FANCB: variants seen among roughly 807,000 people sequenced by gnomAD.
The protein encoded by FANCB is FA complementation group B.
A neutral mutation model predicts 38.9 loss-of-function variants in FANCB; 5 were observed. The observed-to-expected ratio is 0.13, with a 90% confidence interval of 0.07 to 0.27. The LOEUF (loss-of-function observed/expected upper bound fraction) is 0.27, where lower values mean the gene tolerates loss of function less well. FANCB is among the 10% of genes least tolerant of loss of function. The pLI, the probability that FANCB is intolerant of heterozygous loss-of-function variation, is 1.00. For missense variants in FANCB, 573 were observed against 602.7 expected, an observed-to-expected ratio of 0.95 and a Z score of 0.52; for synonymous variants, 236 against 215.4, an observed-to-expected ratio of 1.10 and a Z score of -0.84.
At chrX:14,844,774 T>G (rs777549202) in intron 8 of FANCB, 34 bp from the exon 9 acceptor site, 47 of 1,156,789 alleles carry the variant, frequency 4.1e-5, no homozygotes, top group Non-Finnish European at 5.1e-5. Flanking sequence ...ATCATTAAAC[T>G]CTGCCCATTA....
chrX:14,798,337 T>C, the FANCB span, among the ~76,000 whole-genome samples: 1 of 110,504 alleles, frequency 9.0e-6, no homozygotes, highest in Non-Finnish European at 1.9e-5. Flanking sequence ...TAATTTTTTG[T>C]ATTTTTAGTA....
At chrX:14,796,085 C>T in the FANCB span, among the ~76,000 whole-genome samples, 3,957 of 111,289 alleles carry the variant, frequency 0.036, 144 homozygotes, top group African/African-American at 0.11. Flanking sequence ...GTTGGAATCA[C>T]CTATGGTTGT....
the FANCB span, among the ~76,000 whole-genome samples, chrX:14,691,304 TGTGTGTGTGTGTGTGTGTGTGC>T: frequency 1.1e-3 from 117 of 105,345 alleles, 1 homozygote; most frequent in Middle Eastern, 4.7e-3. Context: ...TGTGTGTGTG[TGTGTGTGTGTGTGTGTGTGTGC>T]GCGCGTGCGT....
downstream of FANCB, among the ~76,000 whole-genome samples, chrX:14,838,745 T>C (rs984785478): frequency 8.9e-6 from 1 of 112,224 alleles, no homozygotes; most frequent in African/African-American, 3.2e-5. Flanking sequence ...TTTTGATTCC[T>C]AGTATATACT....
At chrX:14,715,184 A>AT in the FANCB span, among the ~76,000 whole-genome samples, 1 of 112,255 alleles carries the variant, frequency 8.9e-6, no homozygotes, top group African/African-American at 3.2e-5. Flanking sequence ...TTTTCACACT[A>AT]TGTGGCTGCT....
chrX:14,870,970 T>C (rs1245795386), intron 1 of FANCB, among the ~76,000 whole-genome samples: 1 of 111,925 alleles, frequency 8.9e-6, no homozygotes, highest in Admixed American at 9.5e-5. Flanking sequence ...TTCCAAGACA[T>C]ATGACATTGT....
At chrX:14,772,336 A>G in the FANCB span, among the ~76,000 whole-genome samples, 3 of 112,263 alleles carry the variant, frequency 2.7e-5, no homozygotes, top group Non-Finnish European at 5.6e-5. Context: ...ACTCCTGCCC[A>G]GTGAGGAGGA....
the FANCB span, among the ~76,000 whole-genome samples, chrX:14,719,859 A>G: frequency 8.9e-6 from 1 of 112,352 alleles, no homozygotes; most frequent in Non-Finnish European, 1.9e-5. Context: ...ATGGAGTACT[A>G]TTCAGTCTTA....
intron 3 of FANCB, among the ~76,000 whole-genome samples, chrX:14,859,962 G>A (rs1174921474): frequency 3.6e-5 from 4 of 111,334 alleles, no homozygotes. Flanking sequence ...CTAGTATCGG[G>A]TACACAGGTG....
the FANCB span, among the ~76,000 whole-genome samples, chrX:14,743,789 C>T: frequency 1.8e-5 from 2 of 111,082 alleles, no homozygotes. Flanking sequence ...AGAACTCTTC[C>T]TTGCCTTTTC....
the FANCB span, among the ~76,000 whole-genome samples, chrX:14,769,388 T>TGGAAG: frequency 8.9e-6 from 1 of 111,980 alleles, no homozygotes; most frequent in Non-Finnish European, 1.9e-5. Context: ...GGTTCAGTCT[T>TGGAAG]GGAAGGGTTA....
chrX:14,783,417 G>A, the FANCB span, among the ~76,000 whole-genome samples: 1 of 111,860 alleles, frequency 8.9e-6, no homozygotes, highest in African/African-American at 3.3e-5. Context: ...CAGCCTTCTG[G>A]GCCTGCAGAG....
chrX:14,788,506 A>C, the FANCB span, among the ~76,000 whole-genome samples: 1 of 111,655 alleles, frequency 9.0e-6, no homozygotes, highest in Non-Finnish European at 1.9e-5. Flanking sequence ...AGAGTTGGAC[A>C]GAAAGGAGCA....
chrX:14,827,335 G>A, the FANCB span, among the ~76,000 whole-genome samples: 4 of 111,557 alleles, frequency 3.6e-5, no homozygotes, highest in African/African-American at 9.8e-5. Flanking sequence ...TGACAGTGAC[G>A]TTTAGTTTTC....
the FANCB span, among the ~76,000 whole-genome samples, chrX:14,829,957 C>T: frequency 2.1e-3 from 234 of 112,296 alleles, 1 homozygote; most frequent in African/African-American, 7.5e-3. Flanking sequence ...CTTCCAACTG[C>T]CTTCCTCACT....
chrX:14,849,787 C>T (rs1351752832), intron 7 of FANCB, among the ~76,000 whole-genome samples: 1 of 111,251 alleles, frequency 9.0e-6, no homozygotes, highest in African/African-American at 3.3e-5. Flanking sequence ...TTTCATAAAC[C>T]TCATCCTCTT....
chrX:14,832,024 G>A (rs764900521), downstream of FANCB, among the ~76,000 whole-genome samples: 1 of 111,709 alleles, frequency 9.0e-6, no homozygotes, highest in Non-Finnish European at 1.9e-5. Flanking sequence ...CCTTTAGAAT[G>A]ACCTACCCTC....
the FANCB span, among the ~76,000 whole-genome samples, chrX:14,773,552 T>C: frequency 8.0e-5 from 9 of 111,919 alleles, no homozygotes; most frequent in Admixed American, 2.8e-4. Context: ...ACAGAGCCCA[T>C]GACTGCATTT....
At chrX:14,698,407 G>T in the FANCB span, among the ~76,000 whole-genome samples, 2 of 109,228 alleles carry the variant, frequency 1.8e-5, no homozygotes, top group Non-Finnish European at 3.8e-5. Context: ...GGCCGGGAGC[G>T]GTGGCTCACA....
Sources: gnomAD v4.1 joint callset for allele counts (sites outside exome capture counted in the v4.1 genomes callset) on GRCh38, gnomAD v4.1.1 for gene constraint, MANE v1.5 for transcripts, NCBI Gene and HGNC (gene_info 2026-07-23, HGNC 2026-07-21) for gene names.